Variants in WWOX observed in about 807,000 individuals in gnomAD.
WWOX encodes WW domain containing oxidoreductase.
WWOX carries 69 observed loss-of-function variants against 46.2 expected under a neutral mutation model. The observed-to-expected ratio is 1.49, with a 90% CI of 1.23 to 1.82. The LOEUF (loss-of-function observed/expected upper bound fraction) is 1.82, where lower values mean the gene tolerates loss of function less well. Among genes scored for constraint, WWOX ranks in the 40% most tolerant of loss-of-function variants. The pLI is 0.00. For missense variants in WWOX, 919 were observed against 542.6 expected (o/e 1.69, Z -6.89); for synonymous variants, 359 against 202.6 (o/e 1.77, Z -6.56).
At chr16:78,727,582 T>C (rs978099104) in intron 8 of WWOX, among the ~76,000 whole-genome samples, 1 of 152,178 alleles carries the variant, frequency 6.6e-6, no homozygotes, top group African/African-American at 2.4e-5. Context: ...GTGGGGGCCC[T>C]GGTGCTACTG....
intron 8 of WWOX, among the ~76,000 whole-genome samples, chr16:78,495,774 C>T (rs2084903277): frequency 6.6e-6 from 1 of 152,168 alleles, no homozygotes; most frequent in Non-Finnish European, 1.5e-5. Flanking sequence ...TCCCAAAGTG[C>T]TGGGATTATA....
At chr16:78,938,745 G>A (rs2045793033) in intron 8 of WWOX, among the ~76,000 whole-genome samples, 1 of 152,142 alleles carries the variant, frequency 6.6e-6, no homozygotes, top group Admixed American at 6.5e-5. Flanking sequence ...GAATGAGTGA[G>A]CAAGATACAG....
At chr16:78,638,648 C>A (rs375914799) in intron 8 of WWOX, among the ~76,000 whole-genome samples, 1 of 152,178 alleles carries the variant, frequency 6.6e-6, no homozygotes, top group African/African-American at 2.4e-5. Flanking sequence ...CAGCAGCAGG[C>A]TGGAGGGAAG....
chr16:78,390,969 T>C (rs971959971), intron 6 of WWOX, among the ~76,000 whole-genome samples: 7 of 152,224 alleles, frequency 4.6e-5, no homozygotes, highest in Non-Finnish European at 1.0e-4. Flanking sequence ...TCTGAGTTCC[T>C]GTGTGTATTC....
chr16:79,212,133 G>A lies in WWOX; in HGVS notation c.*337G>A. On this transcript the variant is annotated 3_prime_UTR_variant, in exon 9 of 9. Coordinates refer to ENST00000566780, the MANE Select transcript of WWOX (RefSeq NM_016373.4). ...TTCTTTTACTGTTATAGAATAGCCTGAGGTCCCCTCGTCCCATCCAGCTAC... is the reference window on the plus strand; with the variant it reads ...TTCTTTTACTGTTATAGAATAGCCTAAGGTCCCCTCGTCCCATCCAGCTAC... 1 of 1,529,408 alleles carries A rather than the reference G, an allele frequency of 6.5e-7. No individual in the cohort carries two copies. The highest frequency in any genetic ancestry group is 8.7e-7 in the Non-Finnish European group (1 of 1,143,116). The allele number at this position is 1,529,408 out of a possible 1,614,324, so 94.7% of individuals were successfully genotyped here. A position where few individuals can be genotyped will look rare whatever the true frequency, so the allele number is the denominator to read the frequency against.
At chr16:78,697,557 A>G (rs1460794214) in intron 8 of WWOX, among the ~76,000 whole-genome samples, 1 of 152,172 alleles carries the variant, frequency 6.6e-6, no homozygotes, top group African/African-American at 2.4e-5. Context: ...ATTAGCAAGA[A>G]AAAAGCTAAC....
intron 8 of WWOX, among the ~76,000 whole-genome samples, chr16:79,069,770 C>T (rs540288711): frequency 1.3e-5 from 2 of 152,138 alleles, no homozygotes; most frequent in South Asian, 2.1e-4. Flanking sequence ...GAAGAGAAGC[C>T]GGGAAGGAGG....
At chr16:78,627,749 T>C (rs536613210) in intron 8 of WWOX, among the ~76,000 whole-genome samples, 1 of 152,230 alleles carries the variant, frequency 6.6e-6, no homozygotes, top group East Asian at 1.9e-4. Context: ...TAACTCTATT[T>C]CATTTTGGAA....
At chr16:78,166,084 C>T (rs939499018) in intron 5 of WWOX, among the ~76,000 whole-genome samples, 1 of 151,938 alleles carries the variant, frequency 6.6e-6, no homozygotes, top group African/African-American at 2.4e-5. Flanking sequence ...CTTGGTCCTT[C>T]TCTTGGAAGA....
At chr16:78,223,550 C>T (rs750919143) in intron 5 of WWOX, among the ~76,000 whole-genome samples, 5 of 152,182 alleles carry the variant, frequency 3.3e-5, no homozygotes, top group African/African-American at 7.2e-5. Context: ...GCACATTGGA[C>T]GGTGGAAGGC....
At chr16:78,581,012 T>G (rs9921093) in intron 8 of WWOX, among the ~76,000 whole-genome samples, 26,351 of 152,174 alleles carry the variant, frequency 0.17, 2,421 homozygotes, top group East Asian at 0.19. Flanking sequence ...GTGAACTTAT[T>G]AAATGACTTT....
intron 8 of WWOX, among the ~76,000 whole-genome samples, chr16:78,575,778 T>C (rs886291073): frequency 6.6e-6 from 1 of 152,146 alleles, no homozygotes; most frequent in Admixed American, 6.5e-5. Flanking sequence ...TAACCCAACA[T>C]GGTGAAGTTA....
At chr16:78,974,624 A>G (rs577401389) in intron 8 of WWOX, among the ~76,000 whole-genome samples, 2 of 152,356 alleles carry the variant, frequency 1.3e-5, no homozygotes, top group South Asian at 2.1e-4. Flanking sequence ...TAAATATTAC[A>G]CGTAGCAAAT....
intron 8 of WWOX, among the ~76,000 whole-genome samples, chr16:78,938,795 A>T (rs2045794084): frequency 6.6e-6 from 1 of 152,086 alleles, no homozygotes; most frequent in African/African-American, 2.4e-5. Context: ...AGATAAAGTG[A>T]TAGAGAGGGG....
chr16:78,729,744 T>C (rs929848470), intron 8 of WWOX, among the ~76,000 whole-genome samples: 2 of 152,172 alleles, frequency 1.3e-5, no homozygotes, highest in African/African-American at 4.8e-5. Context: ...CATAGCAAAC[T>C]AATGCAAATG....
At chr16:78,978,904 T>C (rs2046625366) in intron 8 of WWOX, among the ~76,000 whole-genome samples, 1 of 152,062 alleles carries the variant, frequency 6.6e-6, no homozygotes, top group Admixed American at 6.6e-5. Flanking sequence ...GATCCAAACC[T>C]TATCACCAGC....
At chr16:78,584,611 G>A (rs1480943225) in intron 8 of WWOX, among the ~76,000 whole-genome samples, 2 of 152,202 alleles carry the variant, frequency 1.3e-5, no homozygotes, top group Admixed American at 6.5e-5. Flanking sequence ...AGTGAAAGAA[G>A]ACAGACTGTT....
In WWOX at chr16:78,968,251, G is replaced by A. The variant is rs190810304; in HGVS notation, c.1057-243357G>A. Among the ~76,000 whole-genome samples the A allele has an allele frequency of 2.0e-5, 3 of 152,322 alleles. No individual in the cohort carries two copies. In the East Asian group the frequency reaches 5.8e-4, roughly 29 times the overall value. ...TACATGCAAGTGAATGAGTGAATGG[G>A]CGATTTCCAGACTATCCAGAAACTG... On this transcript the variant is annotated intron_variant, in intron 8 of 8. Transcript: ENST00000566780.
intron 8 of WWOX, among the ~76,000 whole-genome samples, chr16:78,840,991 G>A (rs1023172237): frequency 5.3e-5 from 8 of 152,044 alleles, no homozygotes; most frequent in Admixed American, 4.6e-4. Flanking sequence ...TTGGCACTTA[G>A]CAGGTGGGGT....
Sources: allele counts gnomAD v4.1 joint callset (sites outside exome capture counted in the v4.1 genomes callset), GRCh38; gene constraint gnomAD v4.1.1; transcripts MANE v1.5; gene names NCBI Gene and HGNC (gene_info 2026-07-23, HGNC 2026-07-21).